The following PARVB variants were observed in gnomAD, a reference collection of about 807,000 sequenced individuals.
PARVB encodes the protein parvin beta.
A neutral mutation model predicts 47.0 loss-of-function variants in PARVB; 46 were observed. That is an observed-to-expected ratio of 0.98 (90% confidence interval 0.77 to 1.25). The LOEUF (loss-of-function observed/expected upper bound fraction) is 1.25, where lower values mean the gene tolerates loss of function less well. Among genes scored for constraint, PARVB ranks in the 50% most tolerant of loss-of-function variants. The pLI is 0.00. For missense variants in PARVB, 473 were observed against 471.6 expected, an observed-to-expected ratio of 1.00 and a Z score of -0.03; for synonymous variants, 196 against 196.3, an observed-to-expected ratio of 1.00 and a Z score of 0.01.
chr22:44,116,692 T>C (rs1327283598), intron 3 of PARVB, among the ~76,000 whole-genome samples: 5 of 152,112 alleles, frequency 3.3e-5, no homozygotes, highest in Non-Finnish European at 7.4e-5. Flanking sequence ...TTTGCTCCCA[T>C]TGCTAATGGG....
chr22:44,022,362 A>G (rs2050659548), upstream of PARVB, among the ~76,000 whole-genome samples: 1 of 151,978 alleles, frequency 6.6e-6, no homozygotes, highest in South Asian at 2.1e-4. Flanking sequence ...CCTTCCCTGC[A>G]AGCCTCCTCT....
At chr22:44,076,818 G>A (rs2051784603) in intron 1 of PARVB, among the ~76,000 whole-genome samples, 1 of 152,160 alleles carries the variant, frequency 6.6e-6, no homozygotes, top group South Asian at 2.1e-4. Flanking sequence ...CTGCACCCTA[G>A]GGAGAGTGCC....
chr22:44,077,274 G>A (rs139319750), intron 1 of PARVB, among the ~76,000 whole-genome samples: 97 of 152,246 alleles, frequency 6.4e-4, no homozygotes, highest in African/African-American at 2.2e-3. Context: ...GTTCCCTGCC[G>A]TGGGCCACAT....
chr22:44,159,717 C>A (rs1367199377), intron 11 of PARVB, among the ~76,000 whole-genome samples: 3 of 152,140 alleles, frequency 2.0e-5, no homozygotes, highest in Non-Finnish European at 2.9e-5. Context: ...TTATTATCTA[C>A]CTTGTAGTCT....
intron 8 of PARVB, chr22:44,142,702 T>A (rs1353082287): frequency 1.3e-5 from 2 of 152,188 alleles, no homozygotes; most frequent in Non-Finnish European, 2.9e-5. Context: ...TGGACCCAGC[T>A]GCCACTCCAG....
At chr22:44,006,785 A>C (rs1010432005) in intron 2 of PARVB, among the ~76,000 whole-genome samples, 2 of 152,208 alleles carry the variant, frequency 1.3e-5, no homozygotes, top group South Asian at 4.1e-4. Flanking sequence ...CTCTCCTCTC[A>C]TAGGTAACTC....
intron 1 of PARVB, among the ~76,000 whole-genome samples, chr22:44,066,266 A>T (rs1427995445): frequency 1.3e-5 from 2 of 152,186 alleles, no homozygotes; most frequent in Non-Finnish European, 2.9e-5. Flanking sequence ...ATTCAAACAG[A>T]AGCAGAGCCG....
chr22:44,164,417 C>T (rs1874909233), intron 12 of PARVB, among the ~76,000 whole-genome samples: 1 of 143,292 alleles, frequency 7.0e-6, no homozygotes, highest in Non-Finnish European at 1.5e-5. Context: ...TGTCCCCCCC[C>T]CGGCTCCTGT....
At chr22:44,110,739 A>G (rs968863664) in intron 3 of PARVB, 1 of 152,108 alleles carries the variant, frequency 6.6e-6, no homozygotes, top group Non-Finnish European at 1.5e-5. Context: ...AGCTGGAATT[A>G]CAGGCATGCA....
At chr22:44,022,669 G>A (rs890990718), upstream of PARVB, among the ~76,000 whole-genome samples, 18 of 152,196 alleles carry the variant, frequency 1.2e-4, no homozygotes, top group Admixed American at 6.5e-5. Context: ...CCCAGGTGCC[G>A]TCCTCTGCTG....
intron 3 of PARVB, chr22:44,109,650 C>T (rs1426234765): frequency 6.6e-6 from 1 of 152,152 alleles, no homozygotes. Context: ...ACTGCCATGG[C>T]CTGCTGCATG....
chr22:44,133,500 A>C (rs2053375807), intron 6 of PARVB, among the ~76,000 whole-genome samples: 1 of 152,186 alleles, frequency 6.6e-6, no homozygotes, highest in African/African-American at 2.4e-5. Flanking sequence ...GGTGAAGTAG[A>C]GTTACCTTTC....
At chr22:44,071,962 T>C (rs1272537496) in intron 1 of PARVB, among the ~76,000 whole-genome samples, 7 of 152,234 alleles carry the variant, frequency 4.6e-5, no homozygotes, top group African/African-American at 1.7e-4. Context: ...TGCCAGTTGC[T>C]GGCTTGGATT....
intron 2 of PARVB, among the ~76,000 whole-genome samples, chr22:44,016,785 T>G (rs2050587653): frequency 6.6e-6 from 1 of 152,206 alleles, no homozygotes; most frequent in African/African-American, 2.4e-5. Context: ...TTTCCACTTT[T>G]GGCATCACGT....
chr22:44,105,408 C>G (rs940237680), intron 3 of PARVB: 1 of 152,232 alleles, frequency 6.6e-6, no homozygotes, highest in Non-Finnish European at 1.5e-5. Context: ...CTTTCAAAGG[C>G]CCATGCCTGG....
intron 1 of PARVB, among the ~76,000 whole-genome samples, chr22:44,092,390 T>A (rs993855642): frequency 1.3e-5 from 2 of 152,202 alleles, no homozygotes; most frequent in Admixed American, 1.3e-4. Context: ...ATTACAGGTG[T>A]GAGCCACCGC....
At chr22:44,098,911 G>C (rs1157970672) in intron 2 of PARVB, among the ~76,000 whole-genome samples, 1 of 152,160 alleles carries the variant, frequency 6.6e-6, no homozygotes, top group East Asian at 1.9e-4. Context: ...CTGGGCTCAA[G>C]CAATCCTCCC....
chr22:44,122,488 AAGAG>A (rs766162295), intron 4 of PARVB, among the ~76,000 whole-genome samples: 2,909 of 76,618 alleles, frequency 0.038, 106 homozygotes, highest in Non-Finnish European at 0.055. Context: ...CCTGTCGATC[AAGAG>A]AGAGAGAGAG....
chr22:44,090,581 C>T (rs930463072), intron 1 of PARVB, among the ~76,000 whole-genome samples: 9 of 152,218 alleles, frequency 5.9e-5, no homozygotes, highest in African/African-American at 9.6e-5. Flanking sequence ...AGGGCTGCCT[C>T]GAAGCGTTGA....
Sources: gnomAD v4.1 joint callset for allele counts (sites outside exome capture counted in the v4.1 genomes callset) on GRCh38, gnomAD v4.1.1 for gene constraint, MANE v1.5 for transcripts, NCBI Gene and HGNC (gene_info 2026-07-23, HGNC 2026-07-21) for gene names.